Variants in HDX observed in about 807,000 individuals in gnomAD.
HDX encodes highly divergent homeobox, also known as chromosome X open reading frame 43.
A neutral mutation model predicts 45.2 loss-of-function variants in HDX; 19 were observed. The observed-to-expected ratio is 0.42, with a 90% CI of 0.29 to 0.62. The LOEUF (loss-of-function observed/expected upper bound fraction) is 0.62. HDX is among the 20% of genes least tolerant of loss of function. The pLI, the probability that HDX is intolerant of heterozygous loss-of-function variation, is 0.20. For synonymous variants in HDX, 188 were observed against 172.8 expected (o/e 1.09, Z -0.69); for missense variants, 532 against 493.9 (o/e 1.08, Z -0.73).
intron 5 of HDX, among the ~76,000 whole-genome samples, chrX:84,439,115 G>A (rs939277633): frequency 2.7e-5 from 3 of 111,196 alleles, no homozygotes; most frequent in African/African-American, 9.8e-5. Flanking sequence ...GTGAGAGATG[G>A]TATCTCATTG....
In HDX at chrX:84,351,167, G is replaced by A. The variant is rs753213636; in HGVS notation, c.1453-6710C>T. 2.6e-3 allele frequency among the ~76,000 whole-genome samples: 289 copies of A among 110,338 alleles called. 2 individuals are homozygous for A. The highest frequency in any genetic ancestry group is 9.2e-3 in the African/African-American group (279 of 30,253). On this transcript the variant is annotated intron_variant, in intron 6 of 10. Coordinates refer to ENST00000373177, the MANE Select transcript of HDX (RefSeq NM_001177479.2). ...CTTTTACTCCTGGGTGGAGTTGGGA[G>A]CCCAGGAGCTCCAGTAGGCATCTTC...
chrX:84,446,609 C>A (rs73508914), intron 4 of HDX, among the ~76,000 whole-genome samples: 1,425 of 110,493 alleles, frequency 0.013, 20 homozygotes, highest in African/African-American at 0.042. Flanking sequence ...AAAAAAAAAA[C>A]CAGCAGAAAG....
At chrX:84,451,509 ACT>A (rs1405669600) in intron 4 of HDX, among the ~76,000 whole-genome samples, 154 of 109,696 alleles carry the variant, frequency 1.4e-3, no homozygotes, top group African/African-American at 5.0e-3. Flanking sequence ...AATAAAAATT[ACT>A]GAGATTGAAT....
At chrX:84,502,004 T>A (rs12557504) in intron 1 of HDX, among the ~76,000 whole-genome samples, 2,871 of 111,450 alleles carry the variant, frequency 0.026, 66 homozygotes, top group African/African-American at 0.083. Context: ...AATCCCCTCC[T>A]TTCTTCGGAG....
rs749353981 is a variant in HDX at position 84,378,183 on chromosome X, A to G, written c.1306-16571T>C. Among the ~76,000 whole-genome samples the G allele has an allele frequency of 8.0e-5, 9 of 111,952 alleles. No individual in the cohort carries two copies. The East Asian group carries it at 2.5e-3, about 32-fold the overall frequency. ...GAAAATTCCCTCCAAACATAAAGAA[A>G]TAAAGACATTCCCAGATGAACAAAA... On this transcript the variant is annotated intron_variant, in intron 5 of 10. Transcript: ENST00000373177.
At chrX:84,483,694 T>C (rs1167283266) in intron 2 of HDX, among the ~76,000 whole-genome samples, 3 of 112,862 alleles carry the variant, frequency 2.7e-5, no homozygotes, top group Non-Finnish European at 5.6e-5. Flanking sequence ...TTGCTACTTA[T>C]GCAAATTTCT....
intron 9 of HDX, among the ~76,000 whole-genome samples, chrX:84,327,671 C>T (rs2036743264): frequency 9.0e-6 from 1 of 111,268 alleles, no homozygotes; most frequent in South Asian, 3.7e-4. Flanking sequence ...AACTAAAATG[C>T]ATAATAAAAC....
chrX:84,332,786 G>A (rs370232912), intron 9 of HDX, among the ~76,000 whole-genome samples: 1 of 111,193 alleles, frequency 9.0e-6, no homozygotes. Flanking sequence ...TCAAAATATA[G>A]GATTTCATCA....
chrX:84,371,102 C>T (rs758044441), intron 5 of HDX, among the ~76,000 whole-genome samples: 7 of 111,865 alleles, frequency 6.3e-5, no homozygotes, highest in Non-Finnish European at 1.1e-4. Flanking sequence ...TGGAGCACAT[C>T]GTAAGGGCTT....
intron 9 of HDX, among the ~76,000 whole-genome samples, chrX:84,332,370 C>T (rs2036861700): frequency 9.0e-6 from 1 of 111,442 alleles, no homozygotes; most frequent in African/African-American, 3.3e-5. Context: ...GAATTTATTA[C>T]AATGGAAAAC....
chrX:84,424,071 G>T (rs141423363), intron 5 of HDX, among the ~76,000 whole-genome samples: 12,590 of 110,797 alleles, frequency 0.11, 629 homozygotes, highest in South Asian at 0.28. Context: ...TTGGAATCAT[G>T]TAAAGACTCC....
intron 5 of HDX, among the ~76,000 whole-genome samples, chrX:84,385,792 C>T (rs1252968370): frequency 9.5e-6 from 1 of 105,390 alleles, no homozygotes; most frequent in Non-Finnish European, 1.9e-5. Context: ...AAAATCATAT[C>T]GTCAACAGAG....
In HDX at chrX:84,319,914, A is replaced by C. The variant is rs1242904630; in HGVS notation, c.*1975T>G. The C allele has an allele frequency of 9.0e-6, 1 of 111,426 alleles. No individual in the cohort carries two copies. Among genetic ancestry groups the C allele is most frequent in the Non-Finnish European group, 1.9e-5 (1 of 52,605 alleles). 9.2% of individuals were successfully genotyped at this position (111,426 alleles called of 1,213,427 possible). A position where few individuals can be genotyped will look rare whatever the true frequency, so the allele number is the denominator to read the frequency against. On this transcript the variant is annotated 3_prime_UTR_variant, in exon 11 of 11. Coordinates refer to ENST00000373177, the MANE Select transcript of HDX (RefSeq NM_001177479.2). ...CTAATGGCTGATGCGTGACAAATAA[A>C]ATCTATAGTGTTAAAAGCTGTAGGA...
Position 84,319,967 on chromosome X carries a change from T to C in HDX, c.*1922A>G, listed in dbSNP as rs930369996. On this transcript the variant is annotated 3_prime_UTR_variant, in exon 11 of 11. Coordinates refer to ENST00000373177, the MANE Select transcript of HDX (RefSeq NM_001177479.2). ...GAATATACCTATAGTTAATTTGCAA[T>C]GAGAACCAAATAAGAAGGGGCTTAA... is the stretch of plus-strand genomic sequence containing the variant. 1 of 110,967 alleles carries C rather than the reference T, an allele frequency of 9.0e-6. No individual in the cohort carries two copies. The highest frequency in any genetic ancestry group is 3.7e-4 in the South Asian group (1 of 2,696). The allele number at this position is 110,967 out of a possible 1,213,427, so 9.1% of individuals were successfully genotyped here.
rs941462976 is a variant in HDX at position 84,355,403 on chromosome X, T to A, written c.1452+6063A>T. Among the ~76,000 whole-genome samples the A allele has an allele frequency of 1.6e-4, 18 of 111,499 alleles. No individual in the cohort carries two copies. In the East Asian group the frequency reaches 3.7e-3, roughly 23 times the overall value. On this transcript the variant is annotated intron_variant, in intron 6 of 10. Coordinates refer to ENST00000373177, the MANE Select transcript of HDX (RefSeq NM_001177479.2). ...CAGTGCTTCCAACTTATTGTCCACA[T>A]GTAATATCTCAAAATATTTCTCCAA...
rs763914997 is a variant in HDX at position 84,480,227 on chromosome X, A to G, written c.1-4830T>C. Among the ~76,000 whole-genome samples the G allele has an allele frequency of 3.6e-5, 4 of 111,788 alleles. No homozygotes were observed. In the East Asian group the frequency reaches 1.1e-3, roughly 32 times the overall value. ...TGTATTCTGCAACTTTACTAAACCAACTTACTAGTTCCAGGGGATTCAGTT... is the reference window on the plus strand; with the variant it reads ...TGTATTCTGCAACTTTACTAAACCAGCTTACTAGTTCCAGGGGATTCAGTT... On this transcript the variant is annotated intron_variant, in intron 2 of 10. Transcript: ENST00000373177.
intron 6 of HDX, among the ~76,000 whole-genome samples, chrX:84,356,410 C>T (rs766249486): frequency 9.0e-6 from 1 of 110,668 alleles, no homozygotes; most frequent in East Asian, 2.9e-4. Context: ...TAATATGAGT[C>T]TGAACAAATA....
At chrX:84,333,014 T>C (rs1211192058) in intron 9 of HDX, among the ~76,000 whole-genome samples, 1 of 111,690 alleles carries the variant, frequency 9.0e-6, no homozygotes, top group Non-Finnish European at 1.9e-5. Context: ...ATTTTAACAT[T>C]ACTAATCTCT....
At chrX:84,383,531 T>A (rs1169268389) in intron 5 of HDX, among the ~76,000 whole-genome samples, 2 of 111,737 alleles carry the variant, frequency 1.8e-5, no homozygotes, top group African/African-American at 6.5e-5. Flanking sequence ...ATGTTAAAAG[T>A]CATCAAGATC....
Sources: allele counts gnomAD v4.1 joint callset (sites outside exome capture counted in the v4.1 genomes callset), GRCh38; gene constraint gnomAD v4.1.1; transcripts MANE v1.5; gene names NCBI Gene and HGNC (gene_info 2026-07-23, HGNC 2026-07-21).